Variants in ACTR3C observed in about 807,000 individuals in gnomAD.
ACTR3C encodes the protein actin-related protein 3C.
In ACTR3C, 18 loss-of-function variants were observed where a neutral mutation model predicts 26.3. That is an observed-to-expected ratio of 0.68 (90% confidence interval 0.47 to 1.01). ACTR3C has a LOEUF of 1.01. Ranked by LOEUF, ACTR3C falls within the 50% of genes least tolerant of loss-of-function variation. The probability of loss-of-function intolerance (pLI) is 0.00; values close to 1 mark genes in which losing one functional copy is unlikely to be tolerated. For synonymous variants in ACTR3C, 55 were observed against 94.5 expected, an observed-to-expected ratio of 0.58 and a Z score of 2.42; for missense variants, 184 against 250.7, an observed-to-expected ratio of 0.73 and a Z score of 1.80.
At chr7:150,316,043 C>T (rs1049338591) in intron 1 of ACTR3C, among the ~76,000 whole-genome samples, 1 of 152,128 alleles carries the variant, frequency 6.6e-6, no homozygotes, top group South Asian at 2.1e-4. Context: ...ACTAAAAATA[C>T]GAAATTAGCT....
At chr7:149,908,052 C>T in the ACTR3C span, among the ~76,000 whole-genome samples, 3 of 151,506 alleles carry the variant, frequency 2.0e-5, no homozygotes, top group Admixed American at 2.0e-4. Flanking sequence ...GTGGGGTCCC[C>T]ATCAATAAGA....
At chr7:150,168,081 G>A in the ACTR3C span, among the ~76,000 whole-genome samples, 3 of 150,678 alleles carry the variant, frequency 2.0e-5, no homozygotes, top group Admixed American at 1.3e-4. Flanking sequence ...CATTCATACC[G>A]TTGGCAGCTA....
At chr7:150,010,435 T>C in the ACTR3C span, among the ~76,000 whole-genome samples, 1 of 152,136 alleles carries the variant, frequency 6.6e-6, no homozygotes, top group South Asian at 2.1e-4. Flanking sequence ...CTTAGCAATA[T>C]ACAAGTAGGC....
At chr7:150,318,727 C>A (rs1355491969) in intron 1 of ACTR3C, among the ~76,000 whole-genome samples, 1 of 152,198 alleles carries the variant, frequency 6.6e-6, no homozygotes, top group Non-Finnish European at 1.5e-5. Context: ...GCCTGGGTGA[C>A]AGAGTGAGAC....
At chr7:150,065,491 C>G in the ACTR3C span, among the ~76,000 whole-genome samples, 1 of 152,184 alleles carries the variant, frequency 6.6e-6, no homozygotes, top group Non-Finnish European at 1.5e-5. Context: ...GTAAGGATAC[C>G]TTGTCCATTG....
At chr7:150,149,868 T>C in the ACTR3C span, among the ~76,000 whole-genome samples, 322 of 151,158 alleles carry the variant, frequency 2.1e-3, no homozygotes, top group African/African-American at 5.4e-3. Flanking sequence ...GTTTGTTTTC[T>C]ACATTTACAT....
At chr7:150,039,372 G>T in the ACTR3C span, among the ~76,000 whole-genome samples, 2 of 97,912 alleles carry the variant, frequency 2.0e-5, no homozygotes, top group Admixed American at 1.2e-4. Context: ...CCCCTCCTGC[G>T]ATGGGGGTCC....
chr7:149,900,051 G>C, the ACTR3C span, among the ~76,000 whole-genome samples: 1 of 145,706 alleles, frequency 6.9e-6, no homozygotes, highest in Non-Finnish European at 1.5e-5. Context: ...CCTGAGAATA[G>C]AGCAAATCAA....
the ACTR3C span, among the ~76,000 whole-genome samples, chr7:150,020,793 G>A: frequency 2.0e-5 from 3 of 151,760 alleles, no homozygotes; most frequent in African/African-American, 7.3e-5. Flanking sequence ...TTTTTTATAT[G>A]GAACTATTTC....
the ACTR3C span, among the ~76,000 whole-genome samples, chr7:150,066,876 C>T: frequency 1.3e-5 from 2 of 152,166 alleles, no homozygotes; most frequent in African/African-American, 2.4e-5. Context: ...GAGGAGTGGG[C>T]ACCAAGTAAG....
At chr7:149,979,491 A>G in the ACTR3C span, among the ~76,000 whole-genome samples, 2 of 152,216 alleles carry the variant, frequency 1.3e-5, no homozygotes, top group Non-Finnish European at 2.9e-5. Flanking sequence ...ACAGGACTGC[A>G]GTAACTTGGT....
At chr7:149,941,431 C>A in the ACTR3C span, among the ~76,000 whole-genome samples, 3 of 152,152 alleles carry the variant, frequency 2.0e-5, no homozygotes, top group African/African-American at 7.2e-5. Flanking sequence ...GGAAGGCTAA[C>A]AGTTTAGAGT....
chr7:150,187,171 T>C, the ACTR3C span, among the ~76,000 whole-genome samples: 3 of 151,524 alleles, frequency 2.0e-5, no homozygotes, highest in Non-Finnish European at 4.4e-5. Context: ...ATTGTTTCCA[T>C]AAACACACCT....
the ACTR3C span, among the ~76,000 whole-genome samples, chr7:150,021,842 T>C: frequency 5.3e-5 from 8 of 151,884 alleles, no homozygotes; most frequent in Admixed American, 1.3e-4. Flanking sequence ...GGTGTATATA[T>C]ACCACATTTT....
At chr7:150,139,063 T>G in the ACTR3C span, among the ~76,000 whole-genome samples, 7 of 152,276 alleles carry the variant, frequency 4.6e-5, no homozygotes, top group Non-Finnish European at 1.0e-4. Flanking sequence ...TACGTTACAA[T>G]GTAATAAGAA....
At chr7:150,225,175 CA>C in the ACTR3C span, among the ~76,000 whole-genome samples, 3 of 152,092 alleles carry the variant, frequency 2.0e-5, no homozygotes, top group African/African-American at 7.3e-5. Flanking sequence ...TTTTATTAGA[CA>C]ATGGTATTAG....
chr7:150,085,146 G>A, the ACTR3C span, among the ~76,000 whole-genome samples: 8 of 152,154 alleles, frequency 5.3e-5, no homozygotes, highest in East Asian at 1.9e-4. Flanking sequence ...ACATGTTAGC[G>A]AGGACATGTT....
the ACTR3C span, among the ~76,000 whole-genome samples, chr7:150,179,969 A>T: frequency 6.6e-6 from 1 of 151,366 alleles, no homozygotes; most frequent in East Asian, 1.9e-4. Flanking sequence ...AAGCATTTTA[A>T]TATTTATCAA....
the ACTR3C span, among the ~76,000 whole-genome samples, chr7:150,224,701 C>G: frequency 6.6e-6 from 1 of 152,134 alleles, no homozygotes; most frequent in East Asian, 1.9e-4. Context: ...CATTTGCATA[C>G]TGAACTCTTT....
Sources: allele counts gnomAD v4.1 joint callset (sites outside exome capture counted in the v4.1 genomes callset), GRCh38; gene constraint gnomAD v4.1.1; transcripts MANE v1.5; gene names NCBI Gene and HGNC (gene_info 2026-07-23, HGNC 2026-07-21).